The following DAG1 variants were observed in gnomAD, a reference collection of about 807,000 sequenced individuals.
DAG1 encodes the protein dystroglycan 1 (dystrophin-associated glycoprotein 1).
In DAG1, 8 loss-of-function variants were observed where a neutral mutation model predicts 46.1. The ratio of observed to expected loss-of-function variants is 0.17; its 90% CI spans 0.10 to 0.31. The LOEUF (loss-of-function observed/expected upper bound fraction) is 0.31. Among genes scored for constraint, DAG1 ranks in the 10% least tolerant of loss-of-function variants. The probability of loss-of-function intolerance (pLI) is 1.00; values close to 1 mark genes in which losing one functional copy is unlikely to be tolerated. For synonymous variants in DAG1, 495 were observed against 481.8 expected, an observed-to-expected ratio of 1.03 and a Z score of -0.36; for missense variants, 1,003 against 1,189.9, an observed-to-expected ratio of 0.84 and a Z score of 2.31.
At chr3:49,507,454 T>G (rs1457439619) in intron 1 of DAG1, among the ~76,000 whole-genome samples, 1 of 151,978 alleles carries the variant, frequency 6.6e-6, no homozygotes, top group Admixed American at 6.6e-5. Context: ...TCCCAGCTAC[T>G]TGGGAGGCTG....
At chr3:49,483,197 C>T (rs762117224) in intron 1 of DAG1, among the ~76,000 whole-genome samples, 34 of 149,486 alleles carry the variant, frequency 2.3e-4, no homozygotes, top group Non-Finnish European at 3.7e-4. Context: ...GCTGGTAGGT[C>T]ATCTTTTTTT....
intron 1 of DAG1, among the ~76,000 whole-genome samples, chr3:49,478,524 A>G (rs1200521366): frequency 9.5e-6 from 1 of 105,194 alleles, no homozygotes; most frequent in Non-Finnish European, 1.8e-5. Flanking sequence ...TTTGAGCCCA[A>G]GAGTTTTTTT....
intron 2 of DAG1, among the ~76,000 whole-genome samples, chr3:49,527,628 G>T (rs1025040725): frequency 1.3e-5 from 2 of 152,202 alleles, no homozygotes; most frequent in Admixed American, 6.5e-5. Context: ...GCGTGATCCC[G>T]GGAGGCGGAG....
At position 49,533,507 on chromosome 3, in the gene DAG1, G is replaced by A; in HGVS notation, c.*308G>A. On this transcript the variant is annotated 3_prime_UTR_variant, in exon 3 of 3. Coordinates refer to ENST00000308775, the MANE Select transcript of DAG1 (RefSeq NM_004393.6). ...AGCACCATGTGGAGTGGAGGTGGAG[G>A]GAGCGAGGAACCATGAATGAACTCG... The A allele has an allele frequency of 1.7e-6, 1 of 575,132 alleles. No homozygotes were observed. The highest frequency in any genetic ancestry group is 3.3e-6 in the Non-Finnish European group (1 of 307,322). 35.6% of individuals were successfully genotyped at this position (575,132 alleles called of 1,614,324 possible).
At chr3:49,526,381 C>T (rs984203123) in intron 2 of DAG1, among the ~76,000 whole-genome samples, 1 of 152,184 alleles carries the variant, frequency 6.6e-6, no homozygotes, top group African/African-American at 2.4e-5. Flanking sequence ...CATGGGTAAA[C>T]TTTACATGGC....
chr3:49,491,087 G>A (rs2050170188), intron 1 of DAG1, among the ~76,000 whole-genome samples: 1 of 151,922 alleles, frequency 6.6e-6, no homozygotes, highest in Admixed American at 6.6e-5. Flanking sequence ...GTTTCGCCAT[G>A]TTGGCCAGGC....
intron 1 of DAG1, among the ~76,000 whole-genome samples, chr3:49,490,621 G>A (rs1281662400): frequency 6.6e-6 from 1 of 150,554 alleles, no homozygotes; most frequent in Non-Finnish European, 1.5e-5. Flanking sequence ...CTAGGTTGGA[G>A]TGCAGTGATG....
In DAG1 at chr3:49,533,984, C is replaced by G; in HGVS notation, c.*785C>G. On this transcript the variant is annotated 3_prime_UTR_variant, in exon 3 of 3. Coordinates refer to ENST00000308775, the MANE Select transcript of DAG1 (RefSeq NM_004393.6). ...CTGGAGGGGTCTCTTGGGCCATGGA[C>G]ATCCCCACTTCCAGCCCATGTACAC... is the stretch of plus-strand genomic sequence containing the variant. 1.3e-5 allele frequency: 2 copies of G among 155,912 alleles called. No individual in the cohort carries two copies. Among genetic ancestry groups the G allele is most frequent in the Non-Finnish European group, 2.8e-5 (2 of 70,312 alleles). 9.7% of individuals were successfully genotyped at this position (155,912 alleles called of 1,614,324 possible). A position where few individuals can be genotyped will look rare whatever the true frequency, so the allele number is the denominator to read the frequency against.
At chr3:49,492,228 C>G (rs1436104547) in intron 1 of DAG1, among the ~76,000 whole-genome samples, 1 of 152,202 alleles carries the variant, frequency 6.6e-6, no homozygotes, top group Non-Finnish European at 1.5e-5. Flanking sequence ...CCCCGCCTGG[C>G]TCCAAGTCTA....
chr3:49,484,692 A>C (rs538508213), intron 1 of DAG1, among the ~76,000 whole-genome samples: 26 of 152,158 alleles, frequency 1.7e-4, no homozygotes, highest in Admixed American at 1.2e-3. Context: ...GCTGTACCCA[A>C]AGGCACAGTC....
At chr3:49,485,325 T>C (rs1300803211) in intron 1 of DAG1, among the ~76,000 whole-genome samples, 1 of 152,170 alleles carries the variant, frequency 6.6e-6, no homozygotes, top group Non-Finnish European at 1.5e-5. Context: ...TGGTGCGATC[T>C]TGGCTCACTG....
At chr3:49,495,737 C>T (rs1325807543) in intron 1 of DAG1, among the ~76,000 whole-genome samples, 4 of 151,936 alleles carry the variant, frequency 2.6e-5, no homozygotes, top group Admixed American at 6.6e-5. Context: ...CTGGCCAATA[C>T]GGTGAAACCC....
rs540158264 is a variant in DAG1 at position 49,535,286 on chromosome 3, A to G, written c.*2087A>G. ...GGTGAGGGCTTTGAAAGGCCTTCCA[A>G]ACAGCTCCGTCGCCCCTAGCAACTC... On this transcript the variant is annotated 3_prime_UTR_variant, in exon 3 of 3. Transcript: ENST00000308775. 6.5e-6 allele frequency: 1 copy of G among 152,780 alleles called. No homozygotes were observed. The highest frequency in any genetic ancestry group is 1.5e-5 in the Non-Finnish European group (1 of 68,040). The allele number at this position is 152,780 out of a possible 1,614,324, so 9.5% of individuals were successfully genotyped here. A position where few individuals can be genotyped will look rare whatever the true frequency, so the allele number is the denominator to read the frequency against.
chr3:49,474,271 G>C (rs2049613217), intron 1 of DAG1, among the ~76,000 whole-genome samples: 2 of 151,418 alleles, frequency 1.3e-5, no homozygotes, highest in African/African-American at 4.9e-5. Flanking sequence ...AGCCAGGGTG[G>C]TCTCCATCTC....
rs150418174 is a variant in DAG1 at position 49,495,747 on chromosome 3, C to T, written c.-116-14672C>T. ...CCAGCCTGGCCAATACGGTGAAACCCTGTCTGTACTACAAATACAAAAATT... is the reference window on the plus strand; with the variant it reads ...CCAGCCTGGCCAATACGGTGAAACCTTGTCTGTACTACAAATACAAAAATT... On this transcript the variant is annotated intron_variant, in intron 1 of 2. Coordinates refer to ENST00000308775, the MANE Select transcript of DAG1 (RefSeq NM_004393.6). Among the ~76,000 whole-genome samples, 668 of 152,148 alleles carry T rather than the reference C, an allele frequency of 4.4e-3. 4 individuals are homozygous for T. The highest frequency in any genetic ancestry group is 0.015 in the African/African-American group (623 of 41,500).
chr3:49,507,565 TAAA>T (rs1166981935), intron 1 of DAG1, among the ~76,000 whole-genome samples: 1 of 151,908 alleles, frequency 6.6e-6, no homozygotes, highest in Non-Finnish European at 1.5e-5. Context: ...CCATCTCAAA[TAAA>T]TAAATAAATT....
At chr3:49,478,010 T>C (rs2049731549) in intron 1 of DAG1, among the ~76,000 whole-genome samples, 1 of 151,804 alleles carries the variant, frequency 6.6e-6, no homozygotes, top group African/African-American at 2.4e-5. Flanking sequence ...CTCACACCTG[T>C]AATCCCAGCA....
chr3:49,529,018 T>G (rs1249614415), intron 2 of DAG1, among the ~76,000 whole-genome samples: 1 of 151,962 alleles, frequency 6.6e-6, no homozygotes, highest in Non-Finnish European at 1.5e-5. Flanking sequence ...ATCCGACTAA[T>G]TTTTGTACTT....
chr3:49,532,465 C>T lies in DAG1; in HGVS notation c.1954C>T (p.Arg652Trp), dbSNP rs151272832. The change falls in exon 3 of 3, where the codon CGG becomes TGG. Residue 652 changes from arginine (R) to tryptophan (W), a missense_variant. Arg to Trp is a moderately radical substitution (Grantham distance 101, BLOSUM62 -3). Around this residue, in one of 3 missense-constraint regions of DAG1, gnomAD observed 755 missense variants for 854.1 expected, o/e 0.88. Transcript: ENST00000308775. The surrounding 1 kb of genome is among the most constrained non-coding windows in gnomAD (Gnocchi z 5.4). ...CSTITLQNITRGSIVVEWTNN... is the reference protein window; with the variant it reads ...CSTITLQNITWGSIVVEWTNN... ...CACCATCACCCTGCAGAATATCACC[C>T]GGGGCTCCATCGTGGTGGAATGGAC... is the stretch of plus-strand genomic sequence containing the variant. 152 of 1,614,078 alleles carry T rather than the reference C, an allele frequency of 9.4e-5. No individual in the cohort carries two copies. The highest frequency in any genetic ancestry group is 1.2e-4 in the Non-Finnish European group (136 of 1,180,050).
Sources: gnomAD v4.1 joint callset for allele counts (sites outside exome capture counted in the v4.1 genomes callset) on GRCh38, gnomAD v4.1.1 for gene constraint, gnomAD v4.1.1 regional missense constraint, Gnocchi (gnomAD v3.1) non-coding constraint, MANE v1.5 for transcripts, NCBI Gene and HGNC (gene_info 2026-07-23, HGNC 2026-07-21) for gene names.